IQCM: variants seen among roughly 807,000 people sequenced by gnomAD.
IQCM encodes IQ motif containing M.
In IQCM, 45 loss-of-function variants were observed where a neutral mutation model predicts 57.6. That is an observed-to-expected ratio of 0.78 (90% confidence interval 0.62 to 1.00). IQCM has a LOEUF of 1.00. IQCM is among the 50% of genes least tolerant of loss of function. The pLI is 0.00. For missense variants in IQCM, 468 were observed against 511.6 expected (o/e 0.91, Z 0.82); for synonymous variants, 148 against 158.9 (o/e 0.93, Z 0.51).
chr4:149,583,753 G>C (rs1174565349), intron 9 of IQCM, among the ~76,000 whole-genome samples: 1 of 151,424 alleles, frequency 6.6e-6, no homozygotes, highest in Non-Finnish European at 1.5e-5. Context: ...CATCACAATA[G>C]TACAATGAAT....
rs1194717880 is a variant in IQCM, at chr4:149,629,233, AT to A, written c.566-7990del. Among the ~76,000 whole-genome samples the A allele has an allele frequency of 9.2e-5, 14 of 152,026 alleles. 1 individual carries two copies. Among genetic ancestry groups the A allele is most frequent in the African/African-American group, 1.7e-4 (7 of 41,482 alleles). On this transcript the variant is annotated intron_variant, in intron 7 of 13. Transcript: ENST00000636793. ...ATTCTACTTTCTTAGGAACTAAACC[AT>A]TTTTTTCCCCTAGGGTATAAACTTG...
chr4:149,593,885 C>T (rs993874964), intron 8 of IQCM, among the ~76,000 whole-genome samples: 3 of 152,022 alleles, frequency 2.0e-5, no homozygotes, highest in African/African-American at 4.8e-5. Flanking sequence ...ATCTTTGCAT[C>T]GATGTTCATC....
At chr4:149,773,079 T>C (rs374451329) in intron 2 of IQCM, among the ~76,000 whole-genome samples, 10 of 152,086 alleles carry the variant, frequency 6.6e-5, no homozygotes, top group African/African-American at 2.4e-4. Context: ...CGGCCGGGCG[T>C]GGTGGCTCAC....
chr4:149,702,318 A>ACT (rs1336591100), intron 5 of IQCM, among the ~76,000 whole-genome samples: 1 of 151,542 alleles, frequency 6.6e-6, no homozygotes, highest in Non-Finnish European at 1.5e-5. Flanking sequence ...ACACACACAC[A>ACT]CACACACACA....
In IQCM at chr4:149,705,308, T is replaced by G. The variant is rs1458609610; in HGVS notation, c.386-18840A>C. Among the ~76,000 whole-genome samples the G allele has an allele frequency of 5.4e-5, 8 of 148,740 alleles. No individual in the cohort carries two copies. The East Asian group carries it at 1.4e-3, about 26-fold the overall frequency. Reference sequence around the variant, plus strand: ...AGCCCTAATACAATAGGCATAGGAGTAAAATTTTCTACCAGGATACAACTA... The same window carrying G: ...AGCCCTAATACAATAGGCATAGGAGGAAAATTTTCTACCAGGATACAACTA... On this transcript the variant is annotated intron_variant, in intron 5 of 13. Transcript: ENST00000636793.
intron 7 of IQCM, among the ~76,000 whole-genome samples, chr4:149,676,291 C>A (rs1268514331): frequency 6.6e-6 from 1 of 152,038 alleles, no homozygotes; most frequent in Non-Finnish European, 1.5e-5. Context: ...CCTGAATTCA[C>A]AATGTGATAG....
At chr4:149,588,100 C>T (rs114140367) in intron 8 of IQCM, 103 bp from the exon 9 acceptor site, 4,514 of 431,936 alleles carry the variant, frequency 0.01, 158 homozygotes, top group African/African-American at 0.081. Flanking sequence ...AAGGGAGAAT[C>T]ATTATAATAT....
chr4:149,422,318 G>A (rs1734173433), intron 13 of IQCM, among the ~76,000 whole-genome samples: 1 of 151,958 alleles, frequency 6.6e-6, no homozygotes, highest in Non-Finnish European at 1.5e-5. Flanking sequence ...TTCAAAAAAG[G>A]TTGGTACTCA....
At chr4:149,615,774 T>C (rs948943637) in intron 8 of IQCM, among the ~76,000 whole-genome samples, 3 of 152,204 alleles carry the variant, frequency 2.0e-5, no homozygotes, top group Non-Finnish European at 2.9e-5. Flanking sequence ...GTTATATTTA[T>C]CTCTCTTCCA....
chr4:149,525,158 C>A (rs1560949838), intron 12 of IQCM, among the ~76,000 whole-genome samples: 1 of 151,560 alleles, frequency 6.6e-6, no homozygotes, highest in Non-Finnish European at 1.5e-5. Flanking sequence ...TTTATGAAAC[C>A]AACATAATCT....
intron 2 of IQCM, among the ~76,000 whole-genome samples, chr4:149,802,814 G>A (rs982933601): frequency 3.9e-5 from 6 of 151,928 alleles, no homozygotes; most frequent in Admixed American, 1.3e-4. Flanking sequence ...GTTCTTTATT[G>A]TGGAGCATGT....
intron 7 of IQCM, among the ~76,000 whole-genome samples, chr4:149,621,878 A>G (rs1267703243): frequency 1.3e-5 from 2 of 152,150 alleles, no homozygotes; most frequent in African/African-American, 2.4e-5. Flanking sequence ...TAATCATTTA[A>G]AAAGAAGGAA....
rs1318321463 is a variant in IQCM, at chr4:149,528,884, A to AT, written c.1228+19570dup. Among the ~76,000 whole-genome samples the AT allele has an allele frequency of 8.6e-5, 13 of 151,940 alleles. No homozygotes were observed. The East Asian group carries it at 1.4e-3, about 16-fold the overall frequency. ...GAAGCTTACAGGAGCAAAAGGAAGA[A>AT]TTTTTTTTGCATAAGAAGTAAAAGT... On this transcript the variant is annotated intron_variant, in intron 12 of 13. Coordinates refer to ENST00000636793, the MANE Select transcript of IQCM (RefSeq NM_001363507.2).
chr4:149,420,258 A>T (rs1734032968), intron 13 of IQCM, among the ~76,000 whole-genome samples: 1 of 152,180 alleles, frequency 6.6e-6, no homozygotes, highest in Admixed American at 6.6e-5. Context: ...CCCATCAATG[A>T]TAGACTAGAT....
At chr4:149,561,426 C>A (rs1312321672) in intron 10 of IQCM, among the ~76,000 whole-genome samples, 1 of 152,062 alleles carries the variant, frequency 6.6e-6, no homozygotes, top group African/African-American at 2.4e-5. Flanking sequence ...TGTGTGTGAT[C>A]TCCTTAGACT....
chr4:149,601,306 C>T (rs1411261139), intron 8 of IQCM, among the ~76,000 whole-genome samples: 2 of 152,124 alleles, frequency 1.3e-5, no homozygotes, highest in Non-Finnish European at 2.9e-5. Flanking sequence ...TACATTCCTC[C>T]ATTCCTCAAG....
Position 149,506,180 on chromosome 4 carries a change from A to G in IQCM, c.1228+42275T>C, listed in dbSNP as rs536117606. ...GGAGTGGAGAACGAGGAAGATGGCC[A>G]TAAAGTCCTTGGGAACATTCAGGGG... is the stretch of plus-strand genomic sequence containing the variant. On this transcript the variant is annotated intron_variant, in intron 12 of 13. Coordinates refer to ENST00000636793, the MANE Select transcript of IQCM (RefSeq NM_001363507.2). Among the ~76,000 whole-genome samples, 16 of 152,344 alleles carry G rather than the reference A, an allele frequency of 1.1e-4. No individual in the cohort carries two copies. In the South Asian group the frequency reaches 1.4e-3, roughly 14 times the overall value.
chr4:149,512,392 A>T (rs1283171792), intron 12 of IQCM, among the ~76,000 whole-genome samples: 1 of 152,178 alleles, frequency 6.6e-6, no homozygotes, highest in Non-Finnish European at 1.5e-5. Flanking sequence ...TCAAATGCTA[A>T]GCTAAGAAAT....
chr4:149,651,755 TG>T (rs1759200577), intron 7 of IQCM, among the ~76,000 whole-genome samples: 1 of 152,112 alleles, frequency 6.6e-6, no homozygotes, highest in African/African-American at 2.4e-5. Flanking sequence ...AAGAAGATTT[TG>T]GGGTCAATCA....
Sources: allele counts gnomAD v4.1 joint callset (sites outside exome capture counted in the v4.1 genomes callset), GRCh38; gene constraint gnomAD v4.1.1; transcripts MANE v1.5; gene names NCBI Gene and HGNC (gene_info 2026-07-23, HGNC 2026-07-21).